Variants in GLRA2 observed in about 807,000 individuals in gnomAD.
GLRA2 encodes the protein glycine receptor alpha 2.
Under a neutral mutation model 31.6 loss-of-function variants are expected in GLRA2, and 11 were observed. The observed-to-expected ratio is 0.35, with a 90% CI of 0.22 to 0.58. The LOEUF is 0.58. Ranked by LOEUF, GLRA2 falls within the 20% of genes least tolerant of loss-of-function variation. The pLI is 0.84. For missense variants in GLRA2, 212 were observed against 351.8 expected, an observed-to-expected ratio of 0.60 and a Z score of 3.18; for synonymous variants, 132 against 134.0, an observed-to-expected ratio of 0.99 and a Z score of 0.10.
chrX:14,685,588 T>C (rs1460301268), intron 7 of GLRA2, among the ~76,000 whole-genome samples: 1 of 112,088 alleles, frequency 8.9e-6, no homozygotes, highest in African/African-American at 3.2e-5. Flanking sequence ...TTCTAGATTT[T>C]CTAGTTTACT....
chrX:14,474,176 A>T, the GLRA2 span, among the ~76,000 whole-genome samples: 4 of 111,690 alleles, frequency 3.6e-5, no homozygotes, highest in African/African-American at 1.3e-4. Flanking sequence ...ACTAGGTCTG[A>T]TCTTATCATT....
At chrX:14,629,599 G>C (rs897158427) in intron 7 of GLRA2, among the ~76,000 whole-genome samples, 1 of 111,650 alleles carries the variant, frequency 9.0e-6, no homozygotes, top group Non-Finnish European at 1.9e-5. Context: ...TCCTATGACT[G>C]TTGATATGTT....
chrX:14,476,793 T>C, the GLRA2 span, among the ~76,000 whole-genome samples: 1 of 112,311 alleles, frequency 8.9e-6, no homozygotes, highest in Non-Finnish European at 1.9e-5. Flanking sequence ...GTGGCTTTTG[T>C]TCTAGCCATT....
rs777208187 is a variant in GLRA2, at chrX:14,561,265, AG to A, written c.203-13066del. Among the ~76,000 whole-genome samples, 8 of 112,359 alleles carry A rather than the reference AG, an allele frequency of 7.1e-5. No homozygotes were observed. The Admixed American group carries it at 7.5e-4, about 11-fold the overall frequency. On this transcript the variant is annotated intron_variant, in intron 2 of 8. Transcript: ENST00000218075. ...TCAAACTCATTGTAGATAGTCCTAC[AG>A]GCAGTCCCTATGCTCTTCCATGTCC...
upstream of GLRA2, among the ~76,000 whole-genome samples, chrX:14,525,199 C>T (rs1208798789): frequency 9.0e-6 from 1 of 110,962 alleles, no homozygotes; most frequent in African/African-American, 3.3e-5. Context: ...GTGTGTTGGT[C>T]CTTATGACAT....
chrX:14,555,120 T>A (rs2089624394), intron 2 of GLRA2, among the ~76,000 whole-genome samples: 1 of 112,115 alleles, frequency 8.9e-6, no homozygotes, highest in African/African-American at 3.2e-5. Context: ...TAACACTGTG[T>A]ATAGGGATGA....
the GLRA2 span, among the ~76,000 whole-genome samples, chrX:14,472,695 T>C: frequency 8.9e-6 from 1 of 111,764 alleles, no homozygotes; most frequent in Admixed American, 9.5e-5. Flanking sequence ...GTCGCATCTT[T>C]TTAATGAAGG....
chrX:14,577,049 C>T (rs927825299), intron 3 of GLRA2, among the ~76,000 whole-genome samples: 1 of 112,552 alleles, frequency 8.9e-6, no homozygotes, highest in African/African-American at 3.2e-5. Flanking sequence ...CTCAGGCCAC[C>T]GAGGGTAGGG....
chrX:14,720,474 G>C (rs1397133410), intron 8 of GLRA2, among the ~76,000 whole-genome samples: 1 of 111,583 alleles, frequency 9.0e-6, no homozygotes, highest in Non-Finnish European at 1.9e-5. Flanking sequence ...TTACTCAACA[G>C]ACAATATGGA....
chrX:14,631,505 TA>T (rs917776472), intron 7 of GLRA2, among the ~76,000 whole-genome samples: 11 of 111,032 alleles, frequency 9.9e-5, no homozygotes, highest in African/African-American at 3.6e-4. Flanking sequence ...GTGGTGGATA[TA>T]CATATAATTG....
At chrX:14,465,490 T>A in the GLRA2 span, among the ~76,000 whole-genome samples, 1 of 112,593 alleles carries the variant, frequency 8.9e-6, no homozygotes, top group East Asian at 2.8e-4. Context: ...AGTATTATAA[T>A]GAAGCTATTG....
At chrX:14,609,471 A>G (rs766383064) in intron 7 of GLRA2, among the ~76,000 whole-genome samples, 2 of 111,241 alleles carry the variant, frequency 1.8e-5, no homozygotes, top group South Asian at 7.7e-4. Flanking sequence ...TAGAGACTCT[A>G]GGAAGCCCTT....
rs2091988587 is a variant in GLRA2 at position 14,731,052 on chromosome X, T to G, written c.*567T>G. On this transcript the variant is annotated 3_prime_UTR_variant, in exon 9 of 9. Transcript: ENST00000218075. Reference sequence around the variant, plus strand: ...TGCTGCCTCGTTTTTAAAACAAGCCTCCTAAGCTATGTTCTTTACAATGTC... The same window carrying G: ...TGCTGCCTCGTTTTTAAAACAAGCCGCCTAAGCTATGTTCTTTACAATGTC... 8.9e-6 allele frequency: 1 copy of G among 112,441 alleles called. No individual in the cohort carries two copies. Among genetic ancestry groups the G allele is most frequent in the South Asian group, 3.7e-4 (1 of 2,719 alleles). 9.3% of individuals were successfully genotyped at this position (112,441 alleles called of 1,213,427 possible).
At chrX:14,507,395 A>G in the GLRA2 span, among the ~76,000 whole-genome samples, 1 of 111,642 alleles carries the variant, frequency 9.0e-6, no homozygotes, top group Admixed American at 9.6e-5. Flanking sequence ...ACGTTAAATT[A>G]TATTTATCAA....
intron 4 of GLRA2, among the ~76,000 whole-genome samples, chrX:14,581,615 T>C (rs1468200072): frequency 8.9e-6 from 1 of 111,826 alleles, no homozygotes; most frequent in Non-Finnish European, 1.9e-5. Flanking sequence ...GGTAGGATGG[T>C]ACATGGTTAA....
At chrX:14,460,393 C>T in the GLRA2 span, among the ~76,000 whole-genome samples, 2 of 111,432 alleles carry the variant, frequency 1.8e-5, no homozygotes, top group East Asian at 2.8e-4. Flanking sequence ...ACATAAAATG[C>T]GTTAGGGAGG....
intron 8 of GLRA2, among the ~76,000 whole-genome samples, chrX:14,696,320 A>G (rs1010271448): frequency 9.1e-6 from 1 of 110,448 alleles, no homozygotes; most frequent in Non-Finnish European, 1.9e-5. Context: ...AGAGAGGGGA[A>G]AACACGGAAG....
chrX:14,546,376 AC>A (rs1367514139), intron 2 of GLRA2, among the ~76,000 whole-genome samples: 1 of 111,281 alleles, frequency 9.0e-6, no homozygotes, highest in Non-Finnish European at 1.9e-5. Context: ...CCCACTTAAA[AC>A]CCAGCAGGCG....
chrX:14,513,410 A>G, the GLRA2 span, among the ~76,000 whole-genome samples: 4 of 112,032 alleles, frequency 3.6e-5, no homozygotes. Flanking sequence ...AAACAAAGAT[A>G]AATAGATGGG....
Sources: allele counts gnomAD v4.1 joint callset (sites outside exome capture counted in the v4.1 genomes callset), GRCh38; gene constraint gnomAD v4.1.1; transcripts MANE v1.5; gene names NCBI Gene and HGNC (gene_info 2026-07-23, HGNC 2026-07-21).